The following NOBOX variants were observed in gnomAD, a reference collection of about 807,000 sequenced individuals.
NOBOX encodes the protein NOBOX oogenesis homeobox, also known as homeobox protein NOBOX.
Under a neutral mutation model 60.2 loss-of-function variants are expected in NOBOX, and 46 were observed. That is an observed-to-expected ratio of 0.76 (90% CI 0.60 to 0.98). The LOEUF (loss-of-function observed/expected upper bound fraction) is 0.98, where lower values mean the gene tolerates loss of function less well. NOBOX is among the 50% of genes least tolerant of loss of function. NOBOX has a pLI of 0.00. For synonymous variants in NOBOX, 360 were observed against 346.3 expected (o/e 1.04, Z -0.44); for missense variants, 880 against 865.5 (o/e 1.02, Z -0.21).
chr7:144,398,059 C>T (rs2053906076), intron 9 of NOBOX, among the ~76,000 whole-genome samples: 1 of 152,184 alleles, frequency 6.6e-6, no homozygotes, highest in African/African-American at 2.4e-5. Context: ...GACTTCAAGC[C>T]TGTTTTCCTG....
In NOBOX at chr7:144,397,452, C is replaced by A; in HGVS notation, c.1864G>T (p.Asp622Tyr). ...GGAAATAGATCAGGAAAGTAGCCAT[C>A]CCCTCCTGGGGGATGCCCCAGAGCT... The change falls in exon 10 of 10, where the codon GAT becomes TAT. Residue 622 changes from aspartate to tyrosine, a missense_variant. By Grantham distance (160) the Asp-to-Tyr change is radical. Coordinates refer to ENST00000467773, the MANE Select transcript of NOBOX (RefSeq NM_001080413.3). 1.3e-6 allele frequency: 2 copies of A among 1,537,224 alleles called. No homozygotes were observed. Among genetic ancestry groups the A allele is most frequent in the Non-Finnish European group, 1.7e-6 (2 of 1,146,896 alleles).
In NOBOX at chr7:144,399,081, T is replaced by TG. The variant is rs2053916937; in HGVS notation, c.1337dup (p.Pro447ThrfsTer30). The TG allele has an allele frequency of 5.2e-6, 5 of 957,246 alleles. No individual in the cohort carries two copies. The highest frequency in any genetic ancestry group is 6.3e-6 in the Non-Finnish European group (4 of 637,996). The allele number at this position is 957,246 out of a possible 1,614,324, so 59.3% of individuals were successfully genotyped here. On this transcript the variant is annotated frameshift_variant, in exon 8 of 10. Coordinates refer to ENST00000467773, the MANE Select transcript of NOBOX (RefSeq NM_001080413.3). LOFTEE classifies it high-confidence loss of function. ...AAGGAAGATCGGCCCTTCGCACAGG[T>TG]GGGGGGCTGAAGAGTGGGGGGGTCA...
chr7:144,405,366 C>A (rs1012431750), intron 1 of NOBOX, among the ~76,000 whole-genome samples: 2 of 152,138 alleles, frequency 1.3e-5, no homozygotes, highest in East Asian at 3.9e-4. Context: ...AAATGGAACC[C>A]AGGCACGTCC....
rs1468857356 is a variant in NOBOX at position 144,398,396 on chromosome 7, G to A, written c.1660C>T (p.Pro554Ser). The change falls in exon 9 of 10, where the codon CCC (proline) becomes TCC (serine). Residue 554 changes from proline (P) to serine (S), a missense_variant. Transcript: ENST00000467773. ...GGAAACATAAAGAGAGAGTCTTCGG[G>A]CGGTGGAAGCGTCAGTGAACTGGGC... 6.5e-7 allele frequency: 1 copy of A among 1,537,248 alleles called. No homozygotes were observed. The highest frequency in any genetic ancestry group is 1.4e-5 in the African/African-American group (1 of 73,170).
rs1369709946 is a variant in NOBOX, at chr7:144,398,541, G to A, written c.1515C>T (p.Pro505=). 2.6e-6 allele frequency: 4 copies of A among 1,536,488 alleles called. No individual in the cohort carries two copies. In the East Asian group the frequency reaches 7.3e-5, roughly 28 times the overall value. Residue 505 remains proline (P), a synonymous_variant, in exon 9 of 10, where the codon CCC becomes CCT. Transcript: ENST00000467773. ...GCTGGTTGCTCTGTTGGTAATCCTG[G>A]GGCTCCAGCTCCTCCAAATATGAAC...
intron 6 of NOBOX, 86 bp from the exon 5 acceptor site, chr7:144,399,568 C>A: frequency 8.0e-7 from 1 of 1,246,516 alleles, no homozygotes; most frequent in Non-Finnish European, 1.1e-6. Context: ...CACCAATTCC[C>A]AAACTCTGCC....
intron 2 of NOBOX, chr7:144,404,419 T>C (rs1326362586): frequency 9.6e-6 from 7 of 731,606 alleles, no homozygotes; most frequent in Admixed American, 2.7e-5. Flanking sequence ...GGCTAATTTT[T>C]TGTATTTTTA....
At chr7:144,407,016 T>G (rs2053990037) in intron 1 of NOBOX, among the ~76,000 whole-genome samples, 2 of 150,382 alleles carry the variant, frequency 1.3e-5, no homozygotes, top group South Asian at 2.1e-4. Context: ...TTTTTTTTTT[T>G]GGTTTCTTAG....
At chr7:144,397,239 A>G (rs1355373395), downstream of NOBOX, 6 of 1,525,186 alleles carry the variant, frequency 3.9e-6, no homozygotes, top group Non-Finnish European at 5.3e-6. Flanking sequence ...TGACCCCCCA[A>G]CTAGGGGACA....
intron 2 of NOBOX, 27 bp from the exon 1 acceptor site, chr7:144,403,720 G>A: frequency 1.4e-6 from 1 of 699,618 alleles, no homozygotes; most frequent in Non-Finnish European, 2.6e-6. Context: ...GCCGCGGCCG[G>A]CCCGTGATGC....
chr7:144,404,784 A>C lies in NOBOX; in HGVS notation c.86-104T>G, dbSNP rs1459908433. 4 of 1,288,996 alleles carry C rather than the reference A, an allele frequency of 3.1e-6. No homozygotes were observed. The Admixed American group carries it at 8.8e-5, about 28-fold the overall frequency. The allele number at this position is 1,288,996 out of a possible 1,614,324, so 79.8% of individuals were successfully genotyped here. A position where few individuals can be genotyped will look rare whatever the true frequency, so the allele number is the denominator to read the frequency against. Reference sequence around the variant, plus strand: ...CTTGGGGGAGATCTCACAGGGGTGCAGCCTTATGATTCCTGGTTCACGGAA... The same window carrying C: ...CTTGGGGGAGATCTCACAGGGGTGCCGCCTTATGATTCCTGGTTCACGGAA... On this transcript the variant is annotated intron_variant, in intron 1 of 9. Transcript: ENST00000467773.
At chr7:144,406,919 A>AT (rs2053989390) in intron 1 of NOBOX, among the ~76,000 whole-genome samples, 1 of 151,958 alleles carries the variant, frequency 6.6e-6, no homozygotes, top group Admixed American at 6.6e-5. Context: ...GTTTGGTTGC[A>AT]TTTCATCTTT....
intron 5 of NOBOX, 126 bp downstream of exon 3, chr7:144,400,080 C>A (rs1234483381): frequency 6.3e-7 from 1 of 1,598,980 alleles, no homozygotes; most frequent in East Asian, 2.2e-5. Flanking sequence ...AGGGACACAG[C>A]CACGTCTGAG....
At chr7:144,405,507 G>C (rs950455080) in intron 1 of NOBOX, among the ~76,000 whole-genome samples, 1 of 152,182 alleles carries the variant, frequency 6.6e-6, no homozygotes, top group Non-Finnish European at 1.5e-5. Context: ...TTCTGGACTA[G>C]GATGGAAGCT....
rs757922337 is a variant in NOBOX at position 144,401,363 on chromosome 7, G to A, written c.527C>T (p.Ser176Phe). ...ATCTTCCCCCTGAGTCTGGGGCCTGGAGCGGGCTAGAGTTCTGTCTTTGTG... is the reference window on the plus strand; with the variant it reads ...ATCTTCCCCCTGAGTCTGGGGCCTGAAGCGGGCTAGAGTTCTGTCTTTGTG... The change falls in exon 4 of 10, where the codon TCC becomes TTC. Residue 176 changes from serine (S) to phenylalanine (F), a missense_variant. Physicochemically the swap from Ser to Phe is radical, Grantham distance 155. Transcript: ENST00000467773. The surrounding 1 kb of genome is among the most constrained non-coding windows in gnomAD (Gnocchi z 4.2). 11 of 1,613,732 alleles carry A rather than the reference G, an allele frequency of 6.8e-6. No homozygotes were observed. Among genetic ancestry groups the A allele is most frequent in the Middle Eastern group, 1.6e-4 (1 of 6,084 alleles).
intron 1 of NOBOX, among the ~76,000 whole-genome samples, chr7:144,407,828 T>C (rs1334364916): frequency 2.0e-5 from 3 of 152,224 alleles, no homozygotes; most frequent in Non-Finnish European, 2.9e-5. Flanking sequence ...CCCCAGACAC[T>C]CAGGATAATC....
chr7:144,407,781 C>G (rs1414887095), intron 1 of NOBOX, among the ~76,000 whole-genome samples: 1 of 152,242 alleles, frequency 6.6e-6, no homozygotes, highest in Non-Finnish European at 1.5e-5. Flanking sequence ...AGGACAAGTT[C>G]TGGCGTGAAT....
Position 144,403,754 on chromosome 7 carries a change from C to A in NOBOX, c.210+802G>T. 4.5e-6 allele frequency: 3 copies of A among 665,090 alleles called. No homozygotes were observed. The South Asian group carries it at 4.6e-5, about 10-fold the overall frequency. 41.2% of individuals were successfully genotyped at this position (665,090 alleles called of 1,614,324 possible). ...GCACAGGCGCGGCCTAATGAAGCCTCGCCGGGCGGGCAGGTGTGCAGCCCG... is the reference window on the plus strand; with the variant it reads ...GCACAGGCGCGGCCTAATGAAGCCTAGCCGGGCGGGCAGGTGTGCAGCCCG... On this transcript the variant is annotated intron_variant, in intron 2 of 9. Transcript: ENST00000467773.
rs200856683 is a variant in NOBOX, at chr7:144,404,607, G to A, written c.159C>T (p.Ser53=). The A allele has an allele frequency of 1.1e-4, 184 of 1,613,972 alleles. 1 individual carries two copies. The highest frequency in any genetic ancestry group is 1.0e-3 in the East Asian group (47 of 44,868). The change falls in exon 2 of 10, where the codon AGC becomes AGT. Residue 53 remains serine (S), a synonymous_variant. Transcript: ENST00000467773. ...GGCTGCACCGGATGATGAAGAAGGA[G>A]CTGAAAGAGCCACAGACTCCGTAGA...
Sources: gnomAD v4.1 joint callset for allele counts (sites outside exome capture counted in the v4.1 genomes callset) on GRCh38, gnomAD v4.1.1 for gene constraint, Gnocchi (gnomAD v3.1) non-coding constraint, MANE v1.5 for transcripts, NCBI Gene and HGNC (gene_info 2026-07-23, HGNC 2026-07-21) for gene names.